The following IRAG2 variants were observed in gnomAD, a reference collection of about 807,000 sequenced individuals.
IRAG2 encodes lymphoid restricted membrane protein.
In IRAG2, 45 loss-of-function variants were observed where a neutral mutation model predicts 69.9. That is an observed-to-expected ratio of 0.64 (90% CI 0.51 to 0.83). The LOEUF (loss-of-function observed/expected upper bound fraction) is 0.83, where lower values mean the gene tolerates loss of function less well. Ranked by LOEUF, IRAG2 falls within the 40% of genes least tolerant of loss-of-function variation. IRAG2 has a pLI of 0.00. For synonymous variants in IRAG2, 193 were observed against 202.4 expected (o/e 0.95, Z 0.40); for missense variants, 520 against 587.0 (o/e 0.89, Z 1.18).
chr12:25,071,200 C>CAAAA (rs59496931), intron 6 of IRAG2, among the ~76,000 whole-genome samples: 7,626 of 151,898 alleles, frequency 0.05, 205 homozygotes, highest in Middle Eastern at 0.11. Flanking sequence ...ACTAAAAATA[C>CAAAA]AAAAATTAGG....
chr12:25,011,258 G>C, intron 2 of IRAG2: 1 of 946,818 alleles, frequency 1.1e-6, no homozygotes, highest in Non-Finnish European at 1.4e-6. Context: ...AGGACTGCCA[G>C]GGTTATATAT....
intron 3 of IRAG2, among the ~76,000 whole-genome samples, chr12:25,012,407 G>A (rs1350940229): frequency 2.0e-5 from 3 of 151,102 alleles, no homozygotes; most frequent in African/African-American, 4.9e-5. Context: ...TGCCCACCTC[G>A]GCCTCCCAAA....
chr12:25,101,588 C>T (rs536901731), intron 16 of IRAG2, among the ~76,000 whole-genome samples: 42 of 152,300 alleles, frequency 2.8e-4, no homozygotes, highest in African/African-American at 9.4e-4. Flanking sequence ...TAATCCAACT[C>T]ATGAAGTTGA....
intron 15 of IRAG2, 108 bp from the exon 16 acceptor site, chr12:25,101,070 C>A: frequency 1.1e-6 from 1 of 881,190 alleles, no homozygotes; most frequent in Non-Finnish European, 1.6e-6. Flanking sequence ...CATTTATTGC[C>A]ACTTTAGTGG....
intron 7 of IRAG2, chr12:25,021,048 A>C: frequency 2.5e-6 from 1 of 397,478 alleles, no homozygotes; most frequent in Admixed American, 4.5e-5. Context: ...AAAGGCAGGT[A>C]GGATTTTTTT....
intron 16 of IRAG2, among the ~76,000 whole-genome samples, chr12:25,045,065 C>T (rs934718039): frequency 1.4e-4 from 22 of 152,062 alleles, no homozygotes; most frequent in African/African-American, 5.1e-4. Context: ...TATCTTTTTC[C>T]TACCATAATG....
chr12:25,026,782 A>G, intron 8 of IRAG2: 3 of 1,194,920 alleles, frequency 2.5e-6, no homozygotes, highest in Non-Finnish European at 3.1e-6. Flanking sequence ...ACTATCTTTT[A>G]CATTAGAATT....
chr12:25,041,995 G>T (rs1007143996), intron 16 of IRAG2, among the ~76,000 whole-genome samples: 1 of 147,316 alleles, frequency 6.8e-6, no homozygotes, highest in Admixed American at 6.8e-5. Flanking sequence ...GTGTGTGTAT[G>T]TGTATGTGTG....
At chr12:25,077,299 AAT>A (rs1266747085) in intron 6 of IRAG2, among the ~76,000 whole-genome samples, 6,137 of 39,522 alleles carry the variant, frequency 0.16, 1,932 homozygotes, top group Non-Finnish European at 0.23. Context: ...ATATATATGA[AAT>A]ATATATGATA....
intron 9 of IRAG2, chr12:25,026,891 A>C (rs554705487): frequency 7.9e-6 from 9 of 1,138,934 alleles, no homozygotes; most frequent in Non-Finnish European, 1.0e-5. Flanking sequence ...AATACTGGTA[A>C]AATATTTTTT....
At chr12:25,015,573 G>C (rs1199784279) in intron 5 of IRAG2, 1 of 453,476 alleles carries the variant, frequency 2.2e-6, no homozygotes, top group Non-Finnish European at 3.6e-6. Flanking sequence ...ATTCTTCACT[G>C]ATTCTAATAA....
At position 25,069,415 on chromosome 12, in the gene IRAG2, A is replaced by G; in HGVS notation, c.8A>G (p.Asp3Gly). 1 of 1,614,106 alleles carries G rather than the reference A, an allele frequency of 6.2e-7. No individual in the cohort carries two copies. Residue 3 changes from aspartate (D) to glycine (G), a missense_variant, in exon 6 of 22, where the codon GAT (aspartate) becomes GGT (glycine). Physicochemically the swap from Asp to Gly is moderately conservative, Grantham distance 94 (BLOSUM62 -1). Transcript: ENST00000556887. ...CTCTCAGGCTGCATCAGGATGAATG[A>G]TGACCCAAGTATGGAAGTGAGTGTT... Reference protein sequence around the residue: MNDDPSMEENGVE... With the variant: MNGDPSMEENGVE...
At position 25,089,689 on chromosome 12, in the gene IRAG2, T is replaced by C; in HGVS notation, c.437+12T>C. On this transcript the variant is annotated intron_variant, in intron 12 of 21. Coordinates refer to ENST00000556887, the MANE Select transcript of IRAG2 (RefSeq NM_001366544.2). ...AGACAAAGTGAGAAGTAAGTGCTTCTTCATGTAGCATGTTAACATGTTTTA... is the reference window on the plus strand; with the variant it reads ...AGACAAAGTGAGAAGTAAGTGCTTCCTCATGTAGCATGTTAACATGTTTTA... 1 of 1,609,688 alleles carries C rather than the reference T, an allele frequency of 6.2e-7. No homozygotes were observed. Among genetic ancestry groups the C allele is most frequent in the Admixed American group, 1.7e-5 (1 of 59,998 alleles).
chr12:25,080,899 CAAAAG>C (rs1436228750), intron 9 of IRAG2, among the ~76,000 whole-genome samples: 2 of 152,186 alleles, frequency 1.3e-5, no homozygotes, highest in African/African-American at 4.8e-5. Context: ...GTTGTAAGAA[CAAAAG>C]AAAAGTGCTG....
chr12:24,998,557 T>G, the IRAG2 span, among the ~76,000 whole-genome samples: 1 of 152,198 alleles, frequency 6.6e-6, no homozygotes, highest in Non-Finnish European at 1.5e-5. Flanking sequence ...TCACTAAAGA[T>G]GGGTTTCCTG....
At chr12:25,046,074 G>T (rs1031228848) in intron 16 of IRAG2, among the ~76,000 whole-genome samples, 6 of 152,036 alleles carry the variant, frequency 3.9e-5, no homozygotes, top group Admixed American at 3.9e-4. Flanking sequence ...TATGCAAATT[G>T]ATTATCTTGA....
intron 16 of IRAG2, among the ~76,000 whole-genome samples, chr12:25,046,397 G>A (rs750066179): frequency 6.6e-6 from 1 of 151,828 alleles, no homozygotes. Context: ...AAATATAAAA[G>A]GAAGAAGTAA....
intron 2 of IRAG2, among the ~76,000 whole-genome samples, chr12:25,008,499 G>C (rs1180082133): frequency 6.6e-6 from 1 of 152,160 alleles, no homozygotes; most frequent in African/African-American, 2.4e-5. Context: ...AGCACTTTGG[G>C]AGGCTGAGGT....
In IRAG2 at chr12:25,066,499, A is replaced by G. The variant is rs1945989623; in HGVS notation, c.-72A>G. ...AGTAAAGGATGGTGCTTTGGATGTA[A>G]AAAGACAACACAAGTAGGTTAAGAG... On this transcript the variant is annotated 5_prime_UTR_variant, in exon 5 of 22. An upstream open reading frame in the 5' UTR loses its in-frame stop. Transcript: ENST00000556887. 5 of 401,206 alleles carry G rather than the reference A, an allele frequency of 1.2e-5. No homozygotes were observed. The highest frequency in any genetic ancestry group is 1.0e-4 in the African/African-American group (5 of 48,696). 24.9% of individuals were successfully genotyped at this position (401,206 alleles called of 1,614,324 possible). A position where few individuals can be genotyped will look rare whatever the true frequency, so the allele number is the denominator to read the frequency against.
Sources: allele counts gnomAD v4.1 joint callset (sites outside exome capture counted in the v4.1 genomes callset), GRCh38; gene constraint gnomAD v4.1.1; transcripts MANE v1.5; gene names NCBI Gene and HGNC (gene_info 2026-07-23, HGNC 2026-07-21).